The following GUCY1A1 variants were observed in gnomAD, a reference collection of about 807,000 sequenced individuals.
GUCY1A1 encodes guanylate cyclase 1 soluble subunit alpha 1.
In GUCY1A1, 48 loss-of-function variants were observed where a neutral mutation model predicts 64.5. The ratio of observed to expected loss-of-function variants is 0.74; its 90% CI spans 0.59 to 0.95. The LOEUF (loss-of-function observed/expected upper bound fraction) is 0.95. GUCY1A1 is among the 40% of genes least tolerant of loss of function. GUCY1A1 has a pLI of 0.00. For missense variants in GUCY1A1, 804 were observed against 825.3 expected, an observed-to-expected ratio of 0.97 and a Z score of 0.32; for synonymous variants, 308 against 303.4, an observed-to-expected ratio of 1.02 and a Z score of -0.16.
chr4:155,674,221 G>C (rs112644493), intron 2 of GUCY1A1, among the ~76,000 whole-genome samples: 3,435 of 151,390 alleles, frequency 0.023, 275 homozygotes, highest in African/African-American at 0.08. Context: ...CGGGCATGGT[G>C]GTGGGTGCCT....
intron 2 of GUCY1A1, among the ~76,000 whole-genome samples, chr4:155,693,353 AATTT>A (rs1417863095): frequency 6.6e-6 from 1 of 152,092 alleles, no homozygotes; most frequent in East Asian, 1.9e-4. Context: ...TTATTATTTT[AATTT>A]ATTTGTTTTT....
intron 9 of GUCY1A1, among the ~76,000 whole-genome samples, chr4:155,726,669 C>G (rs1321418196): frequency 6.6e-6 from 1 of 151,960 alleles, no homozygotes; most frequent in Non-Finnish European, 1.5e-5. Context: ...ATTTCCACTT[C>G]CAAATTCTAA....
intron 7 of GUCY1A1, among the ~76,000 whole-genome samples, chr4:155,715,530 G>A (rs962210956): frequency 2.0e-5 from 3 of 152,174 alleles, no homozygotes; most frequent in African/African-American, 7.2e-5. Context: ...TATGGAGAGG[G>A]AGAAGAGGGC....
chr4:155,710,501 G>T, intron 5 of GUCY1A1, 41 bp from the exon 6 acceptor site: 1 of 1,126,958 alleles, frequency 8.9e-7, no homozygotes, highest in South Asian at 1.4e-5. Context: ...TTACCAAGGT[G>T]GCATATTTGA....
intron 3 of GUCY1A1, among the ~76,000 whole-genome samples, chr4:155,700,161 G>T (rs1408143041): frequency 6.6e-6 from 1 of 152,138 alleles, no homozygotes. Context: ...CAGGCATACT[G>T]TCTTGAAGGA....
intron 2 of GUCY1A1, among the ~76,000 whole-genome samples, chr4:155,685,603 GTTTTTTTT>G (rs70954055): frequency 1.1e-3 from 120 of 108,908 alleles, no homozygotes; most frequent in African/African-American, 2.5e-3. Flanking sequence ...TTCTCCTTGT[GTTTTTTTT>G]TTTTTTTTTT....
intron 2 of GUCY1A1, among the ~76,000 whole-genome samples, chr4:155,670,656 C>T (rs1222899724): frequency 6.6e-6 from 1 of 152,188 alleles, no homozygotes; most frequent in Admixed American, 6.5e-5. Context: ...CATCTTAAAA[C>T]TTGAGGGACT....
chr4:155,687,358 A>T (rs1347601590), intron 2 of GUCY1A1, among the ~76,000 whole-genome samples: 3 of 152,316 alleles, frequency 2.0e-5, no homozygotes, highest in East Asian at 3.9e-4. Flanking sequence ...TTGATCCAAG[A>T]CTGGACTTTT....
At chr4:155,712,235 G>A (rs1385800673) in intron 6 of GUCY1A1, among the ~76,000 whole-genome samples, 2 of 152,172 alleles carry the variant, frequency 1.3e-5, no homozygotes, top group Non-Finnish European at 2.9e-5. Flanking sequence ...GGTTCAAGCA[G>A]TTCTCCCCGC....
chr4:155,730,169 CA>C lies in GUCY1A1; in HGVS notation c.2015del (p.Lys672ArgfsTer12). 1 of 1,611,628 alleles carries C rather than the reference CA, an allele frequency of 6.2e-7. No homozygotes were observed. The highest frequency in any genetic ancestry group is 8.5e-7 in the Non-Finnish European group (1 of 1,178,364). Reference sequence around the variant, plus strand: ...AGGAACAAACTCAAAACCATGCTTCCAAAAGAAAGATGTGGAAGATGGCAAT... The same window carrying C: ...AGGAACAAACTCAAAACCATGCTTCCAAAGAAAGATGTGGAAGATGGCAAT... Reference protein sequence around the residue: ...QQGTNSKPCFQKKDVEDGNAN... With the variant: ...QQGTNSKPCFXKKDVEDGNAN... On this transcript the variant is annotated frameshift_variant, in exon 10 of 10. Coordinates refer to ENST00000506455, the MANE Select transcript of GUCY1A1 (RefSeq NM_001130682.3). LOFTEE classifies it high-confidence loss of function.
At position 155,696,792 on chromosome 4, in the gene GUCY1A1, C is replaced by A; in HGVS notation, c.-76C>A. On this transcript the variant is annotated 5_prime_UTR_variant, in exon 3 of 10. Transcript: ENST00000506455. ...ACCAGTGTCCTTGAATTGATAGTGG[C>A]TTCTGTTTGTCAGTCTCATATAAGA... 1 of 1,373,904 alleles carries A rather than the reference C, an allele frequency of 7.3e-7. No homozygotes were observed. The allele number at this position is 1,373,904 out of a possible 1,614,324, so 85.1% of individuals were successfully genotyped here.
chr4:155,707,885 A>T (rs901500013), intron 4 of GUCY1A1, among the ~76,000 whole-genome samples: 2 of 148,770 alleles, frequency 1.3e-5, no homozygotes, highest in African/African-American at 5.0e-5. Flanking sequence ...GCTAGAGTGC[A>T]GTGGTGGCTG....
Position 155,713,277 on chromosome 4 carries a change from A to C in GUCY1A1, c.1266A>C (p.Gln422His). ...VVLIGEQARA[Q>H]DGLKKRLGKL... is the part of the protein sequence containing the mutation. ...TAATAGGGGAACAAGCCCGAGCTCA[A>C]GATGGCCTGAAGAAGAGGCTGGGGA... The change falls in exon 7 of 10, where the codon CAA (glutamine) becomes CAC (histidine). Residue 422 changes from glutamine (Q) to histidine (H), a missense_variant. Transcript: ENST00000506455. 6.2e-7 allele frequency: 1 copy of C among 1,614,178 alleles called. No individual in the cohort carries two copies. The highest frequency in any genetic ancestry group is 8.5e-7 in the Non-Finnish European group (1 of 1,180,022).
At chr4:155,723,042 A>G (rs1262535603) in intron 9 of GUCY1A1, among the ~76,000 whole-genome samples, 1 of 152,122 alleles carries the variant, frequency 6.6e-6, no homozygotes, top group African/African-American at 2.4e-5. Flanking sequence ...CCAACCTTCT[A>G]TCCACAAGAT....
chr4:155,686,689 T>C (rs928502807), intron 2 of GUCY1A1, among the ~76,000 whole-genome samples: 5 of 152,236 alleles, frequency 3.3e-5, no homozygotes, highest in African/African-American at 1.2e-4. Context: ...TTGGGAATAA[T>C]ATGAATTAAT....
intron 4 of GUCY1A1, among the ~76,000 whole-genome samples, chr4:155,704,572 T>C (rs983166446): frequency 9.2e-5 from 14 of 152,208 alleles, no homozygotes; most frequent in Non-Finnish European, 1.9e-4. Flanking sequence ...CAGCTGTTTA[T>C]TAATCCTTAG....
rs1156890316 is a variant in GUCY1A1, at chr4:155,735,675, G to A, written c.*5444G>A. The A allele has an allele frequency of 1.3e-5, 2 of 151,964 alleles. No homozygotes were observed. The highest frequency in any genetic ancestry group is 3.9e-4 in the East Asian group (2 of 5,164). 9.4% of individuals were successfully genotyped at this position (151,964 alleles called of 1,614,324 possible). A position where few individuals can be genotyped will look rare whatever the true frequency, so the allele number is the denominator to read the frequency against. On this transcript the variant is annotated 3_prime_UTR_variant, in exon 10 of 10. Transcript: ENST00000506455. ...ATCTGCTCAGATGTTTGTTCCATCT[G>A]AAATGCTGCCAAATCCATCTGTATT...
Position 155,734,147 on chromosome 4 carries a change from G to C in GUCY1A1, c.*3916G>C, listed in dbSNP as rs530599941. Among the ~76,000 whole-genome samples the C allele has an allele frequency of 2.0e-5, 3 of 152,034 alleles. No individual in the cohort carries two copies. In the East Asian group the frequency reaches 5.8e-4, roughly 30 times the overall value. On this transcript the variant is annotated 3_prime_UTR_variant, in exon 10 of 10. Coordinates refer to ENST00000506455, the MANE Select transcript of GUCY1A1 (RefSeq NM_001130682.3). ...TTAGGTTAAAAGAAGGCATAGGATG[G>C]AAGAGGGTGGTCTGTGGTAGGCCTA...
At chr4:155,672,608 T>C (rs1396803461) in intron 2 of GUCY1A1, among the ~76,000 whole-genome samples, 1 of 152,232 alleles carries the variant, frequency 6.6e-6, no homozygotes, top group Non-Finnish European at 1.5e-5. Context: ...GATAGGTTCC[T>C]GTGACCTCTC....
Sources: gnomAD v4.1 joint callset for allele counts (sites outside exome capture counted in the v4.1 genomes callset) on GRCh38, gnomAD v4.1.1 for gene constraint, MANE v1.5 for transcripts, NCBI Gene and HGNC (gene_info 2026-07-23, HGNC 2026-07-21) for gene names.